Variants in PTK2 observed in about 807,000 individuals in gnomAD.
PTK2 encodes the protein focal adhesion kinase 1.
In PTK2, 45 loss-of-function variants were observed where a neutral mutation model predicts 150.1. The observed-to-expected ratio is 0.30, with a 90% CI of 0.24 to 0.38. PTK2 has a LOEUF of 0.38. PTK2 is among the 10% of genes least tolerant of loss of function. The pLI, the probability that PTK2 is intolerant of heterozygous loss-of-function variation, is 1.00. For synonymous variants in PTK2, 432 were observed against 449.2 expected, an observed-to-expected ratio of 0.96 and a Z score of 0.48; for missense variants, 919 against 1,307.3, an observed-to-expected ratio of 0.70 and a Z score of 4.58.
intron 5 of PTK2, among the ~76,000 whole-genome samples, chr8:140,857,028 T>A (rs756997494): frequency 6.6e-6 from 1 of 152,218 alleles, no homozygotes; most frequent in Non-Finnish European, 1.5e-5. Flanking sequence ...TGAAGTTTCA[T>A]AATACAATGT....
chr8:140,889,617 A>G (rs1262847592), intron 3 of PTK2, among the ~76,000 whole-genome samples: 1 of 151,488 alleles, frequency 6.6e-6, no homozygotes, highest in Non-Finnish European at 1.5e-5. Context: ...AAATTAATTA[A>G]TTTACTTATT....
chr8:140,998,549 T>A (rs1418480044), intron 1 of PTK2, among the ~76,000 whole-genome samples: 1 of 152,128 alleles, frequency 6.6e-6, no homozygotes, highest in African/African-American at 2.4e-5. Context: ...CCAGGCGCAG[T>A]GGCTCACGCC....
At chr8:140,811,487 C>G (rs2100101533) in intron 10 of PTK2, among the ~76,000 whole-genome samples, 1 of 152,198 alleles carries the variant, frequency 6.6e-6, no homozygotes, top group Admixed American at 6.5e-5. Context: ...AGAAATCTAA[C>G]AACTCAAAAA....
At chr8:140,955,366 CT>C (rs953850711) in intron 1 of PTK2, among the ~76,000 whole-genome samples, 2 of 152,146 alleles carry the variant, frequency 1.3e-5, no homozygotes, top group African/African-American at 4.8e-5. Context: ...CTCTTGCCTG[CT>C]GCCGTGTGTA....
intron 29 of PTK2, among the ~76,000 whole-genome samples, chr8:140,671,242 G>A (rs2095345183): frequency 6.6e-6 from 1 of 151,986 alleles, no homozygotes; most frequent in Non-Finnish European, 1.5e-5. Context: ...GTTTTTTTTA[G>A]GCAGAATCTC....
chr8:140,920,627 T>A (rs948733292), intron 2 of PTK2, among the ~76,000 whole-genome samples: 1 of 152,190 alleles, frequency 6.6e-6, no homozygotes, highest in Non-Finnish European at 1.5e-5. Context: ...ATATTTTCAT[T>A]TGCTATTTGA....
At chr8:140,830,082 C>T (rs1002175008) in intron 8 of PTK2, among the ~76,000 whole-genome samples, 7 of 97,880 alleles carry the variant, frequency 7.2e-5, no homozygotes, top group Admixed American at 1.1e-4. Context: ...CACGCACACA[C>T]ATACACACAC....
At chr8:140,923,159 T>C (rs910586616) in intron 2 of PTK2, among the ~76,000 whole-genome samples, 3 of 152,090 alleles carry the variant, frequency 2.0e-5, no homozygotes, top group Non-Finnish European at 4.4e-5. Context: ...CTTGAGAGTA[T>C]AGGAAGATGT....
chr8:140,698,924 A>ATTTTTTTTTTT (rs10713722), intron 26 of PTK2, among the ~76,000 whole-genome samples: 1 of 96,202 alleles, frequency 1.0e-5, no homozygotes, highest in Non-Finnish European at 2.0e-5. Context: ...TAATTTTTGT[A>ATTTTTTTTTTT]TTTTTTTTTT....
intron 27 of PTK2, among the ~76,000 whole-genome samples, chr8:140,676,948 A>G (rs1589566147): frequency 6.7e-6 from 1 of 150,108 alleles, no homozygotes; most frequent in South Asian, 2.1e-4. Context: ...CATCTCAAAA[A>G]AAAAAAAAAA....
At chr8:140,880,900 G>A (rs536239061) in intron 3 of PTK2, among the ~76,000 whole-genome samples, 1 of 152,320 alleles carries the variant, frequency 6.6e-6, no homozygotes, top group African/African-American at 2.4e-5. Flanking sequence ...CTGAGTGAAT[G>A]AAGTGGTAGA....
chr8:140,671,603 A>G (rs185321463), intron 29 of PTK2, among the ~76,000 whole-genome samples: 15 of 152,096 alleles, frequency 9.9e-5, no homozygotes, highest in Admixed American at 3.9e-4. Flanking sequence ...ACAGAGGTGT[A>G]TATTTCATGT....
At chr8:140,877,242 C>G (rs2100146172) in intron 4 of PTK2, among the ~76,000 whole-genome samples, 1 of 151,972 alleles carries the variant, frequency 6.6e-6, no homozygotes, top group Non-Finnish European at 1.5e-5. Context: ...TCATGTTGGC[C>G]AGCCTGGTCT....
At chr8:140,961,387 C>T (rs549729500) in intron 1 of PTK2, among the ~76,000 whole-genome samples, 50 of 152,288 alleles carry the variant, frequency 3.3e-4, no homozygotes, top group African/African-American at 1.2e-3. Context: ...ACAGGCCGAG[C>T]GTGGTGGCTC....
chr8:140,858,102 T>A (rs933235354), intron 5 of PTK2, among the ~76,000 whole-genome samples: 2 of 152,152 alleles, frequency 1.3e-5, no homozygotes, highest in African/African-American at 4.8e-5. Flanking sequence ...AAACTTTTTT[T>A]AAATCATAAG....
chr8:140,899,639 T>C (rs1355911844), intron 2 of PTK2, among the ~76,000 whole-genome samples: 3 of 151,798 alleles, frequency 2.0e-5, no homozygotes, highest in Non-Finnish European at 4.4e-5. Flanking sequence ...CAGACAACAA[T>C]GCAACAAAAA....
rs776985470 is a variant in PTK2, at chr8:140,681,549, G to T, written c.2562+5083C>A. On this transcript the variant is annotated intron_variant, in intron 27 of 31. Coordinates refer to ENST00000522684, the Ensembl canonical transcript of PTK2. The stretch of plus-strand genomic sequence containing the variant: ...CACTTTGGGAGGCGGAGGCGGGCAG[G>T]GGGGGATCACGAAGTCAGGAGATCG... 1.1e-4 allele frequency among the ~76,000 whole-genome samples: 15 copies of T among 140,676 alleles called. No homozygotes were observed. In the South Asian group the frequency reaches 2.8e-3, roughly 27 times the overall value. 92.3% of individuals were successfully genotyped at this position (140,676 alleles called of 152,430 possible). A position where few individuals can be genotyped will look rare whatever the true frequency, so the allele number is the denominator to read the frequency against.
At chr8:140,951,642 G>C (rs1359961352) in intron 1 of PTK2, among the ~76,000 whole-genome samples, 1 of 152,192 alleles carries the variant, frequency 6.6e-6, no homozygotes, top group African/African-American at 2.4e-5. Context: ...CAGCATTCTG[G>C]AAGGCTGAGG....
Position 140,760,145 on chromosome 8 carries a change from C to CT in PTK2, c.1332+1019dup, listed in dbSNP as rs371228189. ...GCTGAGGCAGAAGAATCACTTGAACCTGGAAGGCGGAGGTTGCAGTGAGCT... is the reference window on the plus strand; with the variant it reads ...GCTGAGGCAGAAGAATCACTTGAACCTTGGAAGGCGGAGGTTGCAGTGAGCT... On this transcript the variant is annotated intron_variant, in intron 16 of 31. Transcript: ENST00000522684. Among the ~76,000 whole-genome samples the CT allele has an allele frequency of 4.2e-3, 642 of 152,004 alleles. 9 individuals are homozygous for CT. The highest frequency in any genetic ancestry group is 0.015 in the African/African-American group (610 of 41,448).
Sources: allele counts gnomAD v4.1 joint callset (sites outside exome capture counted in the v4.1 genomes callset), GRCh38; gene constraint gnomAD v4.1.1; transcripts MANE v1.5; gene names NCBI Gene and HGNC (gene_info 2026-07-23, HGNC 2026-07-21).